Variants in RORB observed in about 807,000 individuals in gnomAD.
RORB encodes RAR related orphan receptor B.
In RORB, 6 loss-of-function variants were observed where a neutral mutation model predicts 59.1. The ratio of observed to expected loss-of-function variants is 0.10; its 90% CI spans 0.06 to 0.20. The LOEUF is 0.20. Ranked by LOEUF, RORB falls within the 10% of genes least tolerant of loss-of-function variation. RORB has a pLI of 1.00. For synonymous variants in RORB, 215 were observed against 204.5 expected, an observed-to-expected ratio of 1.05 and a Z score of -0.44; for missense variants, 320 against 560.5, an observed-to-expected ratio of 0.57 and a Z score of 4.33.
intron 4 of RORB, among the ~76,000 whole-genome samples, chr9:74,651,822 A>T (rs1215461646): frequency 6.6e-6 from 1 of 152,132 alleles, no homozygotes; most frequent in African/African-American, 2.4e-5. Flanking sequence ...TGTGAAGGAG[A>T]TCTTTTACTG....
rs769735260 is a variant in RORB, at chr9:74,692,942, A to G, written c.*7324A>G. 1.3e-5 allele frequency: 2 copies of G among 152,210 alleles called. No individual in the cohort carries two copies. The highest frequency in any genetic ancestry group is 2.9e-5 in the Non-Finnish European group (2 of 68,036). The allele number at this position is 152,210 out of a possible 1,614,324, so 9.4% of individuals were successfully genotyped here. On this transcript the variant is annotated 3_prime_UTR_variant, in exon 10 of 10. Coordinates refer to ENST00000376896, the MANE Select transcript of RORB (RefSeq NM_006914.4). ...AAGTAAGTATTGAGTTTTTTTAATC[A>G]TAAATATACTAGAATAAAACAGCAC...
intron 1 of RORB, among the ~76,000 whole-genome samples, chr9:74,514,986 A>C (rs556434892): frequency 1.3e-5 from 2 of 151,118 alleles, no homozygotes; most frequent in African/African-American, 4.9e-5. Context: ...CTTCAACTCT[A>C]TATCTTCTCC....
chr9:74,625,372 G>T (rs1823493682), intron 1 of RORB, among the ~76,000 whole-genome samples: 1 of 152,166 alleles, frequency 6.6e-6, no homozygotes, highest in South Asian at 2.1e-4. Context: ...CCAGCCCTTT[G>T]GGAGGGCAAG....
intron 1 of RORB, among the ~76,000 whole-genome samples, chr9:74,550,808 A>G (rs952053197): frequency 6.6e-6 from 1 of 152,230 alleles, no homozygotes; most frequent in African/African-American, 2.4e-5. Context: ...TGCATTGTCC[A>G]ATATGGCACC....
intron 1 of RORB, among the ~76,000 whole-genome samples, chr9:74,545,640 A>C (rs1826475126): frequency 6.6e-6 from 1 of 152,212 alleles, no homozygotes; most frequent in Non-Finnish European, 1.5e-5. Context: ...AGGTGGTAGA[A>C]AACTAATCTG....
intron 1 of RORB, among the ~76,000 whole-genome samples, chr9:74,568,051 A>G (rs1187797639): frequency 6.6e-6 from 1 of 152,224 alleles, no homozygotes; most frequent in Non-Finnish European, 1.5e-5. Flanking sequence ...ATAATCTAAC[A>G]CATCATTCCC....
intron 1 of RORB, among the ~76,000 whole-genome samples, chr9:74,536,716 A>G (rs1826327793): frequency 6.6e-6 from 1 of 152,018 alleles, no homozygotes; most frequent in African/African-American, 2.4e-5. Context: ...TTTCCATAGC[A>G]AGAAAAAAAA....
At chr9:74,518,486 G>C (rs1372774759) in intron 1 of RORB, among the ~76,000 whole-genome samples, 2 of 151,916 alleles carry the variant, frequency 1.3e-5, no homozygotes, top group Non-Finnish European at 2.9e-5. Context: ...TGTCTTCTGG[G>C]GGTTCAGTGG....
At chr9:74,549,084 A>C (rs1826548142) in intron 1 of RORB, among the ~76,000 whole-genome samples, 1 of 152,202 alleles carries the variant, frequency 6.6e-6, no homozygotes. Context: ...AAACTTTTGA[A>C]ATATGCGTAC....
chr9:74,557,728 G>A (rs912201), intron 1 of RORB, among the ~76,000 whole-genome samples: 62,710 of 151,642 alleles, frequency 0.41, 13,960 homozygotes, highest in East Asian at 0.77. Flanking sequence ...AATATCCCTC[G>A]CAACTCAAGT....
chr9:74,657,303 G>A (rs1006512635), intron 4 of RORB, among the ~76,000 whole-genome samples: 7 of 152,008 alleles, frequency 4.6e-5, no homozygotes, highest in Non-Finnish European at 8.8e-5. Flanking sequence ...CTGACCTCGT[G>A]ATCTGCTTGC....
At chr9:74,631,153 C>A (rs1355732521) in intron 2 of RORB, among the ~76,000 whole-genome samples, 2 of 152,088 alleles carry the variant, frequency 1.3e-5, no homozygotes, top group East Asian at 3.8e-4. Context: ...TAGCAGTAAA[C>A]GTAGACTTAA....
chr9:74,685,092 C>G (rs377002989), intron 9 of RORB, among the ~76,000 whole-genome samples: 11 of 152,222 alleles, frequency 7.2e-5, no homozygotes, highest in African/African-American at 2.6e-4. Context: ...AAAACTGAGA[C>G]ATAGACAAAG....
intron 1 of RORB, among the ~76,000 whole-genome samples, chr9:74,555,911 A>G (rs957990331): frequency 6.6e-6 from 1 of 152,214 alleles, no homozygotes; most frequent in African/African-American, 2.4e-5. Context: ...AAGTTCATAC[A>G]GCTGATTCCA....
chr9:74,552,559 A>AT (rs1171619589), intron 1 of RORB, among the ~76,000 whole-genome samples: 4 of 152,134 alleles, frequency 2.6e-5, no homozygotes, highest in African/African-American at 4.8e-5. Context: ...TATGCACAAC[A>AT]TAAGTGTTTA....
chr9:74,632,563 G>A (rs573271074), intron 2 of RORB, among the ~76,000 whole-genome samples: 4 of 152,028 alleles, frequency 2.6e-5, no homozygotes, highest in African/African-American at 9.7e-5. Context: ...AATTTGGAAC[G>A]CAATCCCTTT....
intron 1 of RORB, among the ~76,000 whole-genome samples, chr9:74,557,718 A>T (rs1822328605): frequency 1.3e-5 from 2 of 152,022 alleles, no homozygotes; most frequent in Non-Finnish European, 2.9e-5. Flanking sequence ...GACTCTTTAT[A>T]ATATCCCTCG....
At chr9:74,676,163 C>CCCA (rs1824438128) in intron 9 of RORB, among the ~76,000 whole-genome samples, 1 of 152,222 alleles carries the variant, frequency 6.6e-6, no homozygotes, top group Non-Finnish European at 1.5e-5. Context: ...ATGCAGCCTA[C>CCCA]AGGTCAGGCC....
intron 1 of RORB, among the ~76,000 whole-genome samples, chr9:74,525,629 T>C (rs946127400): frequency 2.6e-5 from 4 of 152,000 alleles, no homozygotes; most frequent in East Asian, 1.9e-4. Context: ...GAACAGCAAG[T>C]AGGCAGGTAT....
Sources: allele counts gnomAD v4.1 joint callset (sites outside exome capture counted in the v4.1 genomes callset), GRCh38; gene constraint gnomAD v4.1.1; transcripts MANE v1.5; gene names NCBI Gene and HGNC (gene_info 2026-07-23, HGNC 2026-07-21).